Variants in SH3BP5L observed in about 807,000 individuals in gnomAD.
SH3BP5L encodes SH3 domain-binding protein 5-like.
Under a neutral mutation model 40.9 loss-of-function variants are expected in SH3BP5L, and 16 were observed. The ratio of observed to expected loss-of-function variants is 0.39; its 90% CI spans 0.27 to 0.59. The LOEUF is 0.59. SH3BP5L is among the 20% of genes least tolerant of loss of function. The probability of loss-of-function intolerance (pLI) is 0.53; values close to 1 mark genes in which losing one functional copy is unlikely to be tolerated. For missense variants in SH3BP5L, 471 were observed against 544.6 expected (o/e 0.86, Z 1.35); for synonymous variants, 229 against 226.7 (o/e 1.01, Z -0.09).
In SH3BP5L at chr1:248,825,356, T is replaced by C. The variant is rs912404791; in HGVS notation, c.-421A>G. 3 of 999,372 alleles carry C rather than the reference T, an allele frequency of 3.0e-6. No individual in the cohort carries two copies. The highest frequency in any genetic ancestry group is 2.4e-6 in the Non-Finnish European group (2 of 838,936). The allele number at this position is 999,372 out of a possible 1,614,324, so 61.9% of individuals were successfully genotyped here. ...CCGAGCTGAGGCTGTAGGATGAGCGTCTCTGGGGAGCTGCAGAGAAACAAA... is the reference window on the plus strand; with the variant it reads ...CCGAGCTGAGGCTGTAGGATGAGCGCCTCTGGGGAGCTGCAGAGAAACAAA... On this transcript the variant is annotated 5_prime_UTR_variant, in exon 2 of 7. Transcript: ENST00000366472.
rs543979321 is a variant in SH3BP5L, at chr1:248,824,617, T to C, written c.183+136A>G. The C allele has an allele frequency of 3.4e-5, 38 of 1,104,644 alleles. No individual in the cohort carries two copies. In the Middle Eastern group the frequency reaches 8.8e-4, roughly 26 times the overall value. The allele number at this position is 1,104,644 out of a possible 1,614,324, so 68.4% of individuals were successfully genotyped here. ...AACTTGTTACATTACCCTGCAATGA[T>C]TTGTTGACAAACTTGTTCTCCTTTC... On this transcript the variant is annotated intron_variant, in intron 2 of 6. Transcript: ENST00000366472.
In SH3BP5L at chr1:248,815,512, A is replaced by T. The variant is rs757155851; in HGVS notation, c.376-902T>A. ...TTATGATGCTTTCATGTCTTGGGGG[A>T]CCTTGCTGGCCAAGGACAAACTGCC... is the stretch of plus-strand genomic sequence containing the variant. On this transcript the variant is annotated intron_variant, in intron 4 of 6. Coordinates refer to ENST00000366472, the MANE Select transcript of SH3BP5L (RefSeq NM_030645.3). Among the ~76,000 whole-genome samples, 42 of 152,002 alleles carry T rather than the reference A, an allele frequency of 2.8e-4. 1 individual carries two copies. Among genetic ancestry groups the T allele is most frequent in the Admixed American group, 4.6e-4 (7 of 15,264 alleles).
chr1:248,824,669 A>C, intron 2 of SH3BP5L, 84 bp downstream of exon 2: 1 of 1,497,400 alleles, frequency 6.7e-7, no homozygotes, highest in Non-Finnish European at 9.1e-7. Context: ...GGGACAGAGT[A>C]AGTCTAAGCC....
intron 4 of SH3BP5L, chr1:248,814,928 A>G: frequency 2.3e-6 from 1 of 426,298 alleles, no homozygotes. Flanking sequence ...GGTGGTTAGC[A>G]ACATAGACAG....
Position 248,813,081 on chromosome 1 carries a change from G to C in SH3BP5L, c.619C>G (p.Arg207Gly). ...AGGGTCTTCTGCAGGGCTTGGACCC[G>C]AGCCTCAGCCTGTTGGCACAGCCGA... ...VTRLCQQAEA[R>G]VQALQKTLRR... The change falls in exon 6 of 7, where the codon CGG becomes GGG. Residue 207 changes from arginine (R) to glycine (G), a missense_variant. Arg to Gly is a moderately radical substitution (Grantham distance 125). Around this residue, in one of 2 missense-constraint regions of SH3BP5L, gnomAD observed 275 missense variants for 370.1 expected, o/e 0.74. Transcript: ENST00000366472. 1 of 1,612,054 alleles carries C rather than the reference G, an allele frequency of 6.2e-7. No individual in the cohort carries two copies. The highest frequency in any genetic ancestry group is 8.5e-7 in the Non-Finnish European group (1 of 1,178,962).
intron 2 of SH3BP5L, among the ~76,000 whole-genome samples, chr1:248,818,959 C>A (rs975207212): frequency 2.0e-5 from 3 of 152,210 alleles, no homozygotes; most frequent in African/African-American, 7.2e-5. Flanking sequence ...GGCAGTGACA[C>A]CACAATCACT....
At chr1:248,822,908 C>T (rs1237302460) in intron 2 of SH3BP5L, among the ~76,000 whole-genome samples, 1 of 152,194 alleles carries the variant, frequency 6.6e-6, no homozygotes, top group African/African-American at 2.4e-5. Context: ...AGGTGATCCA[C>T]CTGCCTCGGC....
At chr1:248,822,777 C>T (rs1664284362) in intron 2 of SH3BP5L, among the ~76,000 whole-genome samples, 1 of 151,880 alleles carries the variant, frequency 6.6e-6, no homozygotes, top group African/African-American at 2.4e-5. Flanking sequence ...ATTCTCCTGC[C>T]TCAACCCCCC....
At chr1:248,816,418 GCCCAGGGCTCT>G (rs1664105969) in intron 4 of SH3BP5L, 105 bp downstream of exon 4, 1 of 1,387,496 alleles carries the variant, frequency 7.2e-7, no homozygotes, top group South Asian at 1.3e-5. Flanking sequence ...GCCAGGTCTA[GCCCAGGGCTCT>G]GCCCTCAGGG....
chr1:248,814,351 C>T (rs1453750366), intron 5 of SH3BP5L, 98 bp downstream of exon 5: 1 of 1,354,064 alleles, frequency 7.4e-7, no homozygotes. Flanking sequence ...TGAAAGAAGG[C>T]TAGAATAGAG....
chr1:248,824,345 CAA>C (rs1664320094), intron 2 of SH3BP5L, among the ~76,000 whole-genome samples: 1 of 152,206 alleles, frequency 6.6e-6, no homozygotes, highest in African/African-American at 2.4e-5. Flanking sequence ...CACTCAGCCT[CAA>C]AACTGTCCCC....
chr1:248,815,176 C>T (rs1572181070), intron 4 of SH3BP5L, among the ~76,000 whole-genome samples: 1 of 152,274 alleles, frequency 6.6e-6, no homozygotes, highest in Non-Finnish European at 1.5e-5. Flanking sequence ...ACTTGTGAGG[C>T]TGAGGGAGGA....
chr1:248,812,918 G>C lies in SH3BP5L; in HGVS notation c.711+71C>G. ...CCACCTCACCAAGATGGCCCAGAGA[G>C]GCCGACCAGCATCCCCTCCAGCCTG... On this transcript the variant is annotated intron_variant, in intron 6 of 6. Transcript: ENST00000366472. The surrounding 1 kb of genome is among the most constrained non-coding windows in gnomAD (Gnocchi z 6.1). 7.0e-7 allele frequency: 1 copy of C among 1,434,522 alleles called. No individual in the cohort carries two copies. 88.9% of individuals were successfully genotyped at this position (1,434,522 alleles called of 1,614,324 possible).
Position 248,824,978 on chromosome 1 carries a change from G to C in SH3BP5L, c.-43C>G. On this transcript the variant is annotated 5_prime_UTR_variant, in exon 2 of 7. The change creates a premature stop within an existing upstream ORF in the 5' untranslated region. Coordinates refer to ENST00000366472, the MANE Select transcript of SH3BP5L (RefSeq NM_030645.3). ...AGAGCCCTATGCACAAGAGAGGACT[G>C]ACATGCTGGGACCAGGGCCCCAGCT... is the stretch of plus-strand genomic sequence containing the variant. 2.6e-6 allele frequency: 4 copies of C among 1,557,804 alleles called. No individual in the cohort carries two copies. The Admixed American group carries it at 7.9e-5, about 31-fold the overall frequency.
intron 2 of SH3BP5L, among the ~76,000 whole-genome samples, chr1:248,819,825 G>A (rs1168294877): frequency 2.0e-5 from 3 of 151,898 alleles, no homozygotes; most frequent in Non-Finnish European, 2.9e-5. Context: ...CACAGGCCAC[G>A]GGTTGGAAAA....
chr1:248,813,394 CA>C (rs1664010794), intron 5 of SH3BP5L: 2 of 415,416 alleles, frequency 4.8e-6, no homozygotes, highest in Non-Finnish European at 4.2e-6. Context: ...AGGACCACAT[CA>C]CAGGCACATG....
rs1663923728 is a variant in SH3BP5L, at chr1:248,811,585, G to C, written c.*315C>G. 2.7e-6 allele frequency: 1 copy of C among 372,212 alleles called. No individual in the cohort carries two copies. Among genetic ancestry groups the C allele is most frequent in the Non-Finnish European group, 4.8e-6 (1 of 206,642 alleles). The allele number at this position is 372,212 out of a possible 1,614,324, so 23.1% of individuals were successfully genotyped here. On this transcript the variant is annotated 3_prime_UTR_variant, in exon 7 of 7. Coordinates refer to ENST00000366472, the MANE Select transcript of SH3BP5L (RefSeq NM_030645.3). Reference sequence around the variant, plus strand: ...GGAAAAAGCCAAACAGATGGAAAGAGAGGGAGCAGAAAGGGAAAGCAAAGG... The same window carrying C: ...GGAAAAAGCCAAACAGATGGAAAGACAGGGAGCAGAAAGGGAAAGCAAAGG...
At chr1:248,819,611 G>A (rs1236929199) in intron 2 of SH3BP5L, among the ~76,000 whole-genome samples, 2 of 150,348 alleles carry the variant, frequency 1.3e-5, no homozygotes, top group Non-Finnish European at 2.9e-5. Context: ...GCTGAGGCAG[G>A]AGAATCACCT....
chr1:248,812,184 C>T lies in SH3BP5L; in HGVS notation c.898G>A (p.Asp300Asn). 2 of 1,599,244 alleles carry T rather than the reference C, an allele frequency of 1.3e-6. No individual in the cohort carries two copies. The highest frequency in any genetic ancestry group is 8.5e-7 in the Non-Finnish European group (1 of 1,173,628). Residue 300 changes from aspartate (D) to asparagine (N), a missense_variant, in exon 7 of 7, where the codon GAC (aspartate) becomes AAC (asparagine). Asp to Asn is a conservative substitution (Grantham distance 23). This residue lies in a region of SH3BP5L where 196 missense variants were observed against 174.6 expected (regional missense o/e 1.12). Coordinates refer to ENST00000366472, the MANE Select transcript of SH3BP5L (RefSeq NM_030645.3). The surrounding 1 kb of genome is among the most constrained non-coding windows in gnomAD (Gnocchi z 6.1). ...ATCCCGCTGTCTCCGTCCTCCATGT[C>T]CTCGGGTCCTGCCTCGGCCCCCACG... ...SPVGAEAGPE[D>N]MEDGDSGIEG...
Sources: allele counts gnomAD v4.1 joint callset (sites outside exome capture counted in the v4.1 genomes callset), GRCh38; gene constraint gnomAD v4.1.1; regional missense constraint gnomAD v4.1.1; non-coding constraint Gnocchi (gnomAD v3.1); transcripts MANE v1.5; gene names NCBI Gene and HGNC (gene_info 2026-07-23, HGNC 2026-07-21).